The following PAMR1 variants were observed in gnomAD, a reference collection of about 807,000 sequenced individuals.
PAMR1 encodes the protein peptidase domain containing associated with muscle regeneration 1, also known as inactive serine protease PAMR1.
A neutral mutation model predicts 81.8 loss-of-function variants in PAMR1; 88 were observed. That is an observed-to-expected ratio of 1.08 (90% CI 0.91 to 1.28). The LOEUF is 1.28. Among genes scored for constraint, PAMR1 ranks in the 50% most tolerant of loss-of-function variants. The pLI, the probability that PAMR1 is intolerant of heterozygous loss-of-function variation, is 0.00. For synonymous variants in PAMR1, 336 were observed against 345.3 expected (o/e 0.97, Z 0.30); for missense variants, 935 against 919.7 (o/e 1.02, Z -0.21).
chr11:35,441,550 T>C lies in PAMR1; in HGVS notation c.964A>G (p.Ser322Gly). The C allele has an allele frequency of 6.2e-7, 1 of 1,613,926 alleles. No homozygotes were observed. The highest frequency in any genetic ancestry group is 8.5e-7 in the Non-Finnish European group (1 of 1,179,904). The change falls in exon 7 of 11, where the codon AGT (serine) becomes GGT (glycine). Residue 322 changes from serine (S) to glycine (G), a missense_variant. Ser to Gly is a moderately conservative substitution (Grantham distance 56). Coordinates refer to ENST00000619888, the MANE Select transcript of PAMR1 (RefSeq NM_001001991.3). ...TGGCAAGTTCTTTTCTCATTGCCAC[T>C]AAGAACATAGGAGTTGTTACAAAAG... is the stretch of plus-strand genomic sequence containing the variant. Reference protein sequence around the residue: ...SFFCNNSYVLSGNEKRTCQQN... With the variant: ...SFFCNNSYVLGGNEKRTCQQN...
chr11:35,478,546 G>A (rs1324946267), intron 3 of PAMR1, among the ~76,000 whole-genome samples: 1 of 130 alleles, frequency 7.7e-3, no homozygotes, highest in Non-Finnish European at 0.017. Flanking sequence ...ACAGCAAGAG[G>A]AGGAGGGAGC....
At chr11:35,526,674 A>G (rs568519289), upstream of PAMR1, among the ~76,000 whole-genome samples, 1 of 152,238 alleles carries the variant, frequency 6.6e-6, no homozygotes, top group African/African-American at 2.4e-5. Flanking sequence ...CGGGCAGCTT[A>G]GGCCCACAGG....
At chr11:35,458,021 T>A (rs1467052065) in intron 6 of PAMR1, among the ~76,000 whole-genome samples, 1 of 152,118 alleles carries the variant, frequency 6.6e-6, no homozygotes, top group Admixed American at 6.6e-5. Context: ...AGAAGGAGCA[T>A]AAAAGTACAA....
chr11:35,525,700 C>T, upstream of PAMR1: 1 of 810,590 alleles, frequency 1.2e-6, no homozygotes, highest in Non-Finnish European at 2.1e-6. Context: ...AGCGGGAGCT[C>T]GGGTTTCAGC....
At position 35,518,812 on chromosome 11, in the gene PAMR1, A is replaced by AT. The variant is rs1229092954; in HGVS notation, c.73+6700dup. ...GTGGTTTTTCATTAAGCTAGCTGGA[A>AT]TTTTTTTAACCCACCATCAATTCAG... On this transcript the variant is annotated intron_variant, in intron 1 of 10. Transcript: ENST00000619888. Among the ~76,000 whole-genome samples, 4 of 152,176 alleles carry AT rather than the reference A, an allele frequency of 2.6e-5. No homozygotes were observed. In the East Asian group the frequency reaches 7.8e-4, roughly 30 times the overall value.
intron 1 of PAMR1, among the ~76,000 whole-genome samples, chr11:35,505,653 A>G (rs1441288671): frequency 6.6e-6 from 1 of 152,080 alleles, no homozygotes; most frequent in East Asian, 1.9e-4. Context: ...ATGCTATTTT[A>G]TCAGATAGAA....
At chr11:35,523,155 C>T (rs17727535) in intron 1 of PAMR1, among the ~76,000 whole-genome samples, 31,222 of 152,068 alleles carry the variant, frequency 0.21, 3,505 homozygotes, top group Non-Finnish European at 0.25. Context: ...AGGAATTTGC[C>T]AACATATCCC....
At chr11:35,460,425 A>C (rs1422636774) in intron 6 of PAMR1, among the ~76,000 whole-genome samples, 1 of 151,614 alleles carries the variant, frequency 6.6e-6, no homozygotes, top group Non-Finnish European at 1.5e-5. Flanking sequence ...TGCTGCACCC[A>C]TTAACTCATC....
chr11:35,461,121 T>C (rs949516521), intron 6 of PAMR1, among the ~76,000 whole-genome samples: 3 of 152,242 alleles, frequency 2.0e-5, no homozygotes, highest in Non-Finnish European at 2.9e-5. Context: ...ATCCCAGTTC[T>C]AATGAATTAC....
rs188653558 is a variant in PAMR1, at chr11:35,432,347, G to T, written c.*9C>A. The T allele has an allele frequency of 2.9e-5, 46 of 1,605,032 alleles. No individual in the cohort carries two copies. In the African/African-American group the frequency reaches 3.7e-4, roughly 13 times the overall value. ...CAGAAACACTTCTCAAGGAGTGCAT[G>T]AGCATGGTTCATTTCATATTTCTTT... On this transcript the variant is annotated 3_prime_UTR_variant, in exon 11 of 11. Transcript: ENST00000619888.
chr11:35,452,087 G>A (rs1856431680), intron 6 of PAMR1: 9 of 430,656 alleles, frequency 2.1e-5, no homozygotes, highest in Non-Finnish European at 4.1e-6. Flanking sequence ...AGATAATGTT[G>A]TTATCTAACA....
At chr11:35,463,133 C>T (rs2135369890) in intron 6 of PAMR1, among the ~76,000 whole-genome samples, 2 of 152,282 alleles carry the variant, frequency 1.3e-5, no homozygotes, top group African/African-American at 4.8e-5. Context: ...CATGAACACC[C>T]CAAAGTTCCT....
rs1445799904 is a variant in PAMR1, at chr11:35,431,968, C to G, written c.*388G>C. On this transcript the variant is annotated 3_prime_UTR_variant, in exon 11 of 11. Transcript: ENST00000619888. ...CTGCTGCCCTGGGCTGTCCCACAGG[C>G]AGCTCTCTAGAACTTGAGAGCCTCA... The G allele has an allele frequency of 4.4e-6, 1 of 229,480 alleles. No individual in the cohort carries two copies. The highest frequency in any genetic ancestry group is 2.3e-5 in the African/African-American group (1 of 43,858). The allele number at this position is 229,480 out of a possible 1,614,324, so 14.2% of individuals were successfully genotyped here. A position where few individuals can be genotyped will look rare whatever the true frequency, so the allele number is the denominator to read the frequency against.
intron 1 of PAMR1, among the ~76,000 whole-genome samples, chr11:35,498,936 T>C (rs1223593421): frequency 1.3e-5 from 2 of 152,240 alleles, no homozygotes; most frequent in Admixed American, 6.5e-5. Context: ...CTTACCACAG[T>C]TGAGAATCGT....
intron 6 of PAMR1, among the ~76,000 whole-genome samples, chr11:35,443,580 T>G (rs975313420): frequency 6.6e-6 from 1 of 152,260 alleles, no homozygotes; most frequent in Non-Finnish European, 1.5e-5. Context: ...TGGTGTATCA[T>G]GTACCACATT....
intron 6 of PAMR1, among the ~76,000 whole-genome samples, chr11:35,465,281 A>T (rs1391746041): frequency 6.6e-6 from 1 of 152,148 alleles, no homozygotes; most frequent in Non-Finnish European, 1.5e-5. Flanking sequence ...TTTCTCATTA[A>T]TGTTGATTTT....
chr11:35,436,275 C>T (rs1856042297), intron 8 of PAMR1, 140 bp from the exon 9 acceptor site: 1 of 620,408 alleles, frequency 1.6e-6, no homozygotes, highest in Non-Finnish European at 2.9e-6. Context: ...CTCTCTATCT[C>T]TCTCTCTGTC....
chr11:35,526,457 GAGGAAGA>G (rs989533629), upstream of PAMR1, among the ~76,000 whole-genome samples: 6 of 149,622 alleles, frequency 4.0e-5, no homozygotes, highest in African/African-American at 1.2e-4. Flanking sequence ...ATCTCGAAAT[GAGGAAGA>G]AGGATGTTTC....
At chr11:35,480,439 C>T (rs1309983989) in intron 3 of PAMR1, among the ~76,000 whole-genome samples, 2 of 152,172 alleles carry the variant, frequency 1.3e-5, no homozygotes, top group Non-Finnish European at 2.9e-5. Context: ...CTGCTAAATA[C>T]TTTCAGTCTC....
Sources: gnomAD v4.1 joint callset for allele counts (sites outside exome capture counted in the v4.1 genomes callset) on GRCh38, gnomAD v4.1.1 for gene constraint, MANE v1.5 for transcripts, NCBI Gene and HGNC (gene_info 2026-07-23, HGNC 2026-07-21) for gene names.